The following DOCK1 variants were observed in gnomAD, a reference collection of about 807,000 sequenced individuals.
DOCK1 encodes the protein dedicator of cytokinesis protein 1.
Under a neutral mutation model 262.7 loss-of-function variants are expected in DOCK1, and 138 were observed. The observed-to-expected ratio is 0.53, with a 90% CI of 0.46 to 0.61. The LOEUF (loss-of-function observed/expected upper bound fraction) is 0.61, where lower values mean the gene tolerates loss of function less well. Ranked by LOEUF, DOCK1 falls within the 20% of genes least tolerant of loss-of-function variation. The pLI is 0.00. For missense variants in DOCK1, 1,908 were observed against 2,370.7 expected (o/e 0.80, Z 4.05); for synonymous variants, 866 against 867.4 (o/e 1.00, Z 0.03).
intron 46 of DOCK1, among the ~76,000 whole-genome samples, chr10:127,424,501 A>G (rs2068698251): frequency 6.6e-6 from 1 of 152,150 alleles, no homozygotes; most frequent in South Asian, 2.1e-4. Context: ...CTGTGCTTTC[A>G]CCTTGCAACA....
intron 27 of DOCK1, among the ~76,000 whole-genome samples, chr10:127,132,396 C>T (rs1482453541): frequency 1.3e-5 from 2 of 152,162 alleles, no homozygotes; most frequent in Non-Finnish European, 2.9e-5. Context: ...GAGACAGAAG[C>T]GTTGCAATAA....
At chr10:127,047,982 TC>T (rs1332896834) in intron 21 of DOCK1, among the ~76,000 whole-genome samples, 2 of 152,238 alleles carry the variant, frequency 1.3e-5, no homozygotes, top group Non-Finnish European at 2.9e-5. Flanking sequence ...AATATTCTTG[TC>T]CAAGTCTTTG....
At chr10:127,060,853 C>A (rs190232106) in intron 22 of DOCK1, among the ~76,000 whole-genome samples, 12 of 152,298 alleles carry the variant, frequency 7.9e-5, no homozygotes, top group Admixed American at 2.0e-4. Context: ...CTTGTGATAT[C>A]ATTTTAAAGG....
At chr10:127,400,878 C>G (rs1050725828) in intron 38 of DOCK1, among the ~76,000 whole-genome samples, 1 of 152,142 alleles carries the variant, frequency 6.6e-6, no homozygotes, top group South Asian at 2.1e-4. Context: ...TGATAATAGG[C>G]CTTCCCTAAA....
Position 127,396,256 on chromosome 10 carries a change from A to C in DOCK1, c.3928-6799A>C, listed in dbSNP as rs959469042. Among the ~76,000 whole-genome samples the C allele has an allele frequency of 1.3e-5, 2 of 152,160 alleles. 1 individual carries two copies. Among genetic ancestry groups the C allele is most frequent in the Non-Finnish European group, 2.9e-5 (2 of 68,030 alleles). ...CTGCAGTGATGCTGGGTGCATAGAG[A>C]GTCCTGGGCCAGGTCACAGCTGCAG... On this transcript the variant is annotated intron_variant, in intron 38 of 51. Coordinates refer to ENST00000623213, the MANE Select transcript of DOCK1 (RefSeq NM_001290223.2).
At chr10:126,930,504 G>C (rs954703243) in intron 1 of DOCK1, among the ~76,000 whole-genome samples, 41 of 152,318 alleles carry the variant, frequency 2.7e-4, no homozygotes, top group Admixed American at 4.6e-4. Context: ...CGGGTGGGTT[G>C]GCATGGGCGC....
intron 1 of DOCK1, among the ~76,000 whole-genome samples, chr10:126,919,829 TC>T (rs1250795347): frequency 6.6e-6 from 1 of 152,186 alleles, no homozygotes; most frequent in Non-Finnish European, 1.5e-5. Context: ...CTTTCTCTCT[TC>T]CCAGCACCTG....
intron 23 of DOCK1, among the ~76,000 whole-genome samples, chr10:127,085,781 C>G (rs1003024990): frequency 6.6e-6 from 1 of 152,100 alleles, no homozygotes; most frequent in African/African-American, 2.4e-5. Context: ...GAAAGGAACT[C>G]TTTGCCTTCT....
At chr10:127,015,197 A>T (rs77346801) in intron 12 of DOCK1, 113,739 of 144,240 alleles carry the variant, frequency 0.79, 43,963 homozygotes, top group East Asian at 0.92. Flanking sequence ...AAAAATATTT[A>T]AAAAAAAAAA....
chr10:126,932,423 T>C (rs1384990744), intron 1 of DOCK1, among the ~76,000 whole-genome samples: 1 of 152,162 alleles, frequency 6.6e-6, no homozygotes, highest in Non-Finnish European at 1.5e-5. Context: ...AGATTGCTTT[T>C]GACTAAACCC....
At chr10:127,197,295 G>A (rs1424241680) in intron 27 of DOCK1, among the ~76,000 whole-genome samples, 4 of 152,224 alleles carry the variant, frequency 2.6e-5, no homozygotes, top group African/African-American at 9.6e-5. Flanking sequence ...AGGGCGCAGA[G>A]GCTGAGTTCC....
chr10:127,320,354 G>A (rs1268219911), intron 29 of DOCK1, among the ~76,000 whole-genome samples: 2 of 152,326 alleles, frequency 1.3e-5, no homozygotes, highest in South Asian at 2.1e-4. Context: ...CCGCCAACAC[G>A]CAGGGGCCAA....
chr10:126,994,383 G>T (rs1283684232), intron 6 of DOCK1, among the ~76,000 whole-genome samples: 2 of 152,034 alleles, frequency 1.3e-5, no homozygotes, highest in African/African-American at 2.4e-5. Flanking sequence ...GATTTGGCAG[G>T]GTCATAGGAC....
chr10:127,259,216 C>G (rs1267060086), intron 29 of DOCK1, among the ~76,000 whole-genome samples: 1 of 152,184 alleles, frequency 6.6e-6, no homozygotes, highest in African/African-American at 2.4e-5. Context: ...TCTGCTCCTC[C>G]TCACTCTTCC....
chr10:127,262,909 A>T (rs1482540925), intron 29 of DOCK1, among the ~76,000 whole-genome samples: 1 of 152,068 alleles, frequency 6.6e-6, no homozygotes, highest in African/African-American at 2.4e-5. Context: ...TGAGGCATGG[A>T]GGTTGGGTCA....
At chr10:127,251,505 A>G (rs2059641413) in intron 28 of DOCK1, among the ~76,000 whole-genome samples, 1 of 149,658 alleles carries the variant, frequency 6.7e-6, no homozygotes, top group Non-Finnish European at 1.5e-5. Context: ...AGAATTAGGT[A>G]TAACTCCTAA....
At chr10:127,438,006 G>C (rs2069813369) in intron 48 of DOCK1, among the ~76,000 whole-genome samples, 1 of 152,214 alleles carries the variant, frequency 6.6e-6, no homozygotes, top group Admixed American at 6.5e-5. Flanking sequence ...GCTGTATTTT[G>C]AAAATGTAAG....
chr10:127,214,094 G>A (rs1322963100), intron 27 of DOCK1, among the ~76,000 whole-genome samples: 1 of 152,064 alleles, frequency 6.6e-6, no homozygotes, highest in Non-Finnish European at 1.5e-5. Flanking sequence ...TGATCCACTC[G>A]CCTCGGCGTC....
At chr10:127,346,464 C>T (rs191557599) in intron 31 of DOCK1, among the ~76,000 whole-genome samples, 23 of 152,240 alleles carry the variant, frequency 1.5e-4, no homozygotes, top group African/African-American at 4.6e-4. Flanking sequence ...GGTGTGGTGG[C>T]GCGCACCTGT....
Sources: allele counts gnomAD v4.1 joint callset (sites outside exome capture counted in the v4.1 genomes callset), GRCh38; gene constraint gnomAD v4.1.1; transcripts MANE v1.5; gene names NCBI Gene and HGNC (gene_info 2026-07-23, HGNC 2026-07-21).